Variants in SUMF2 observed in about 807,000 individuals in gnomAD.
The protein encoded by SUMF2 is sulfatase modifying factor 2.
A neutral mutation model predicts 44.8 loss-of-function variants in SUMF2; 45 were observed. The ratio of observed to expected loss-of-function variants is 1.00; its 90% CI spans 0.79 to 1.29. The LOEUF is 1.29. Among genes scored for constraint, SUMF2 ranks in the 50% most tolerant of loss-of-function variants. SUMF2 has a pLI of 0.00. For missense variants in SUMF2, 418 were observed against 389.9 expected, an observed-to-expected ratio of 1.07 and a Z score of -0.61; for synonymous variants, 148 against 150.4, an observed-to-expected ratio of 0.98 and a Z score of 0.12.
In SUMF2 at chr7:56,076,875, A is replaced by G; in HGVS notation, c.577A>G (p.Thr193Ala). The G allele has an allele frequency of 6.2e-7, 1 of 1,606,080 alleles. No individual in the cohort carries two copies. Among genetic ancestry groups the G allele is most frequent in the Non-Finnish European group, 8.5e-7 (1 of 1,176,256 alleles). ...PWGNWFQPNR[T>A]NLWQGKFPKG... ...GGGGAACTGGTTCCAGCCAAACCGC[A>G]CCAACCTGTGGCAGGTAAGACCTAC... is the stretch of plus-strand genomic sequence containing the variant. The change falls in exon 6 of 9, where the codon ACC (threonine) becomes GCC (alanine). Residue 193 changes from threonine to alanine, a missense_variant. Transcript: ENST00000434526.
the SUMF2 span, chr7:56,087,763 C>T: frequency 6.2e-7 from 1 of 1,612,178 alleles, no homozygotes; most frequent in Non-Finnish European, 8.5e-7. Context: ...CGCCTGACCA[C>T]ACTGCTAACG....
intron 1 of SUMF2, among the ~76,000 whole-genome samples, chr7:56,066,193 G>GTGGTCGCCGT: frequency 6.6e-6 from 1 of 151,934 alleles, no homozygotes; most frequent in East Asian, 1.9e-4. Flanking sequence ...CCAAAGATAG[G>GTGGTCGCCGT]ATCTTGAGGA....
At chr7:56,083,383 G>C (rs757254297), downstream of SUMF2, 172 of 1,614,028 alleles carry the variant, frequency 1.1e-4, no homozygotes, top group Non-Finnish European at 1.4e-4. Context: ...AGGTCCCGGT[G>C]CACGATGTTG....
At chr7:56,066,381 T>C (rs1461943272) in intron 1 of SUMF2, among the ~76,000 whole-genome samples, 3 of 152,198 alleles carry the variant, frequency 2.0e-5, no homozygotes, top group Non-Finnish European at 2.9e-5. Context: ...GTCATATTTC[T>C]TTTTTGGATC....
chr7:56,071,169 C>A (rs1795131358), intron 2 of SUMF2, among the ~76,000 whole-genome samples: 1 of 151,898 alleles, frequency 6.6e-6, no homozygotes, highest in African/African-American at 2.4e-5. Context: ...AATTTTTAGA[C>A]CAGCCTGGGC....
At position 56,078,432 on chromosome 7, in the gene SUMF2, A is replaced by T. The variant is rs1249964718; in HGVS notation, c.745A>T (p.Met249Leu). ...ACCGTACCAGGCTGCTGAGCAGGAC[A>T]TGCGCGTCCTCCGGGGGGCATCCTG... Reference protein sequence around the residue: ...ASPYQAAEQDMRVLRGASWID... With the variant: ...ASPYQAAEQDLRVLRGASWID... The change falls in exon 8 of 9, where the codon ATG becomes TTG. Residue 249 changes from methionine (M) to leucine (L), a missense_variant. By Grantham distance (15) the Met-to-Leu change is conservative (BLOSUM62 2). Coordinates refer to ENST00000434526, the MANE Select transcript of SUMF2 (RefSeq NM_015411.4). 6.2e-7 allele frequency: 1 copy of T among 1,610,980 alleles called. No individual in the cohort carries two copies. Among genetic ancestry groups the T allele is most frequent in the Admixed American group, 1.7e-5 (1 of 59,592 alleles).
At chr7:56,073,843 CAAAAAAAAG>C (rs555723614) in intron 3 of SUMF2, 289 of 295,910 alleles carry the variant, frequency 9.8e-4, no homozygotes, top group African/African-American at 1.9e-3. Context: ...CCCATATCTA[CAAAAAAAAG>C]AAAAAAAAGA....
At chr7:56,067,618 C>T (rs1233407235) in intron 1 of SUMF2, among the ~76,000 whole-genome samples, 3 of 151,992 alleles carry the variant, frequency 2.0e-5, no homozygotes, top group South Asian at 2.1e-4. Flanking sequence ...CTCAGCTGGG[C>T]GTGCTGGCTC....
chr7:56,066,196 C>G (rs1200636385), intron 1 of SUMF2, among the ~76,000 whole-genome samples: 1 of 151,580 alleles, frequency 6.6e-6, no homozygotes, highest in Non-Finnish European at 1.5e-5. Context: ...AAGATAGGAT[C>G]TTGAGGAACA....
chr7:56,074,473 C>G, intron 4 of SUMF2, 113 bp from the exon 5 acceptor site: 1 of 1,409,074 alleles, frequency 7.1e-7, no homozygotes, highest in Non-Finnish European at 9.6e-7. Context: ...CGGCTCTCTT[C>G]CAGCTCTCTT....
downstream of SUMF2, chr7:56,084,313 A>T (rs1796156313): frequency 2.4e-6 from 2 of 845,784 alleles, no homozygotes; most frequent in Non-Finnish European, 1.9e-6. Context: ...GAAAGAGGGG[A>T]CTATGAACCA....
chr7:56,073,096 C>T lies in SUMF2; in HGVS notation c.324C>T (p.Ala108=), dbSNP rs753191247. ...DFVSDELRNK[A]TQPMKSVLWW... ...TCTCTGATGAGCTGAGAAACAAAGC[C>T]ACCCAGCCAATGAAGGTGAGAGAAC... The change falls in exon 3 of 9, where the codon GCC becomes GCT. Residue 108 remains alanine (A), a synonymous_variant. Coordinates refer to ENST00000434526, the MANE Select transcript of SUMF2 (RefSeq NM_015411.4). 6.2e-7 allele frequency: 1 copy of T among 1,614,020 alleles called. No homozygotes were observed. Among genetic ancestry groups the T allele is most frequent in the Non-Finnish European group, 8.5e-7 (1 of 1,179,930 alleles).
At chr7:56,081,572 G>A, downstream of SUMF2, 2 of 1,589,592 alleles carry the variant, frequency 1.3e-6, no homozygotes, top group South Asian at 2.2e-5. This position sits in a 1 kb window ranked among gnomAD's most constrained non-coding sequence, Gnocchi z 4.6. Flanking sequence ...TGGGAGAGGA[G>A]GGGGCTTAGA....
downstream of SUMF2, chr7:56,081,566 A>C: frequency 6.3e-7 from 1 of 1,578,260 alleles, no homozygotes; most frequent in Non-Finnish European, 8.7e-7. This position sits in a 1 kb window ranked among gnomAD's most constrained non-coding sequence, Gnocchi z 4.6. Context: ...GACTCCTGGG[A>C]GAGGAGGGGG....
At chr7:56,078,247 T>C in intron 7 of SUMF2, 61 bp downstream of exon 7, 1 of 1,578,066 alleles carries the variant, frequency 6.3e-7, no homozygotes, top group Non-Finnish European at 8.7e-7. Flanking sequence ...CCATCATGTC[T>C]GAGAGAGGAG....
At chr7:56,072,121 C>CAA (rs35164639) in intron 2 of SUMF2, among the ~76,000 whole-genome samples, 17 of 52,782 alleles carry the variant, frequency 3.2e-4, no homozygotes, top group African/African-American at 7.0e-4. Context: ...GACTCTGTCT[C>CAA]AAAAAAAAAA....
downstream of SUMF2, among the ~76,000 whole-genome samples, chr7:56,085,188 C>T (rs1023776195): frequency 1.5e-4 from 23 of 151,538 alleles, no homozygotes; most frequent in Non-Finnish European, 2.4e-4. Flanking sequence ...CTCGAACTCC[C>T]GGCTTCATCT....
chr7:56,074,294 C>T lies in SUMF2; in HGVS notation c.384+76C>T, dbSNP rs552936339. ...CTCCAGGCCCAGCCTCCTCTCTACC[C>T]CTCGTACATCCAGGAACACTGAGTT... On this transcript the variant is annotated intron_variant, in intron 4 of 8. Coordinates refer to ENST00000434526, the MANE Select transcript of SUMF2 (RefSeq NM_015411.4). 1.6e-4 allele frequency: 231 copies of T among 1,413,208 alleles called. 2 individuals are homozygous for T. The South Asian group carries it at 2.6e-3, about 16-fold the overall frequency. 87.5% of individuals were successfully genotyped at this position (1,413,208 alleles called of 1,614,324 possible).
intron 2 of SUMF2, among the ~76,000 whole-genome samples, chr7:56,071,564 A>G (rs1353348076): frequency 1.3e-5 from 2 of 151,938 alleles, no homozygotes; most frequent in Non-Finnish European, 2.9e-5. Context: ...AGGCAGGCAG[A>G]TCACAAGGTC....
Sources: gnomAD v4.1 joint callset for allele counts (sites outside exome capture counted in the v4.1 genomes callset) on GRCh38, gnomAD v4.1.1 for gene constraint, Gnocchi (gnomAD v3.1) non-coding constraint, MANE v1.5 for transcripts, NCBI Gene and HGNC (gene_info 2026-07-23, HGNC 2026-07-21) for gene names.